CNTNAP3B: variants seen among roughly 807,000 people sequenced by gnomAD.
CNTNAP3B encodes the protein contactin associated protein family member 3B, also known as contactin-associated protein-like 3B.
In CNTNAP3B, 25 loss-of-function variants were observed where a neutral mutation model predicts 108.9. The observed-to-expected ratio is 0.23, with a 90% CI of 0.17 to 0.32. The LOEUF (loss-of-function observed/expected upper bound fraction) is 0.32. Ranked by LOEUF, CNTNAP3B falls within the 10% of genes least tolerant of loss-of-function variation. CNTNAP3B has a pLI of 1.00. For synonymous variants in CNTNAP3B, 103 were observed against 473.4 expected, an observed-to-expected ratio of 0.22 and a Z score of 10.16; for missense variants, 252 against 1,210.4, an observed-to-expected ratio of 0.21 and a Z score of 11.75.
chr9:42,099,066 T>C lies in CNTNAP3B; in HGVS notation c.196+5563A>G, dbSNP rs1827971292. Among the ~76,000 whole-genome samples, 2 of 138,422 alleles carry C rather than the reference T, an allele frequency of 1.4e-5. 1 individual carries two copies. The highest frequency in any genetic ancestry group is 4.5e-4 in the East Asian group (2 of 4,464). The allele number at this position is 138,422 out of a possible 152,430, so 90.8% of individuals were successfully genotyped here. A position where few individuals can be genotyped will look rare whatever the true frequency, so the allele number is the denominator to read the frequency against. On this transcript the variant is annotated intron_variant, in intron 2 of 23. Coordinates refer to ENST00000377561, the MANE Select transcript of CNTNAP3B (RefSeq NM_001201380.3). ...CTAAGAAATCAGTACCTGAGCTTTT[T>C]CAAAATAACTGGAGAAGAAATGAGG...
At chr9:41,921,014 C>A (rs1269417136) in intron 17 of CNTNAP3B, among the ~76,000 whole-genome samples, 1 of 152,158 alleles carries the variant, frequency 6.6e-6, no homozygotes, top group African/African-American at 2.4e-5. Flanking sequence ...ATGAAGGCGA[C>A]AATTCTCAAT....
intron 14 of CNTNAP3B, 48 bp from the exon 15 acceptor site, chr9:41,929,492 G>T (rs760927290): frequency 6.6e-7 from 1 of 1,506,222 alleles, no homozygotes; most frequent in Admixed American, 1.9e-5. Flanking sequence ...ATTAACATAC[G>T]GGCAAAATTA....
chr9:42,067,822 G>A (rs1827307021), intron 3 of CNTNAP3B, among the ~76,000 whole-genome samples: 2 of 133,528 alleles, frequency 1.5e-5, no homozygotes, highest in Non-Finnish European at 3.2e-5. Context: ...GGAAAAAAAA[G>A]CAGCTCACAG....
intron 2 of CNTNAP3B, among the ~76,000 whole-genome samples, chr9:42,089,804 G>T (rs1587263846): frequency 7.1e-6 from 1 of 140,934 alleles, no homozygotes; most frequent in Non-Finnish European, 1.5e-5. Flanking sequence ...TATCACACAG[G>T]TTTCTAAATT....
intron 8 of CNTNAP3B, among the ~76,000 whole-genome samples, chr9:41,990,397 T>C: frequency 7.7e-6 from 1 of 130,228 alleles, no homozygotes; most frequent in East Asian, 2.4e-4. Context: ...GAATATCTGT[T>C]TTATCTCCCC....
At chr9:41,952,081 A>T (rs1230708929) in intron 13 of CNTNAP3B, among the ~76,000 whole-genome samples, 16 of 152,266 alleles carry the variant, frequency 1.1e-4, no homozygotes, top group Non-Finnish European at 1.9e-4. Flanking sequence ...ATCCAGGCAG[A>T]GGAAATGGTC....
At chr9:42,090,857 AC>A (rs1194517886) in intron 2 of CNTNAP3B, among the ~76,000 whole-genome samples, 2 of 97,286 alleles carry the variant, frequency 2.1e-5, no homozygotes, top group African/African-American at 7.8e-5. Flanking sequence ...ACACACACAC[AC>A]ACACACACAT....
intron 14 of CNTNAP3B, among the ~76,000 whole-genome samples, chr9:41,934,501 G>T (rs1175180287): frequency 1.3e-5 from 2 of 152,240 alleles, no homozygotes; most frequent in Non-Finnish European, 2.9e-5. Flanking sequence ...GATTACAGGC[G>T]TGAGCCACGG....
chr9:42,003,800 CA>C (rs565850278), intron 4 of CNTNAP3B, among the ~76,000 whole-genome samples: 1 of 132,572 alleles, frequency 7.5e-6, no homozygotes, highest in African/African-American at 3.0e-5. Context: ...ACTAAAAATA[CA>C]AAAAAATCAG....
chr9:41,943,900 TTAAAA>T (rs993814766), intron 13 of CNTNAP3B, among the ~76,000 whole-genome samples: 23 of 152,254 alleles, frequency 1.5e-4, no homozygotes, highest in African/African-American at 4.6e-4. Context: ...TTTCTTAAAA[TTAAAA>T]TAAAATCTTT....
chr9:41,935,046 A>G (rs1281309061), intron 14 of CNTNAP3B, among the ~76,000 whole-genome samples: 1 of 152,166 alleles, frequency 6.6e-6, no homozygotes, highest in Non-Finnish European at 1.5e-5. Flanking sequence ...TGTATATTTT[A>G]GAGAATATAT....
intron 13 of CNTNAP3B, among the ~76,000 whole-genome samples, chr9:41,941,375 C>G (rs74410565): frequency 2.9e-5 from 4 of 136,410 alleles, no homozygotes; most frequent in East Asian, 2.1e-4. Flanking sequence ...CTCTGCAAAA[C>G]TTAAATTTGA....
intron 1 of CNTNAP3B, among the ~76,000 whole-genome samples, chr9:42,112,888 G>C (rs1384733910): frequency 2.6e-5 from 1 of 37,858 alleles, no homozygotes; most frequent in South Asian, 1.0e-3. Flanking sequence ...TTTTTTTTTT[G>C]AGACGGAGCC....
intron 3 of CNTNAP3B, among the ~76,000 whole-genome samples, chr9:42,050,099 C>A (rs1187733861): frequency 2.0e-5 from 1 of 49,122 alleles, no homozygotes; most frequent in Non-Finnish European, 4.1e-5. Flanking sequence ...CTCAGCCTAC[C>A]AAAGTGTTGG....
rs1157706244 is a variant in CNTNAP3B, at chr9:42,119,511, C to A, written c.85+9499G>T. Among the ~76,000 whole-genome samples the A allele has an allele frequency of 1.1e-4, 14 of 122,886 alleles. 1 individual carries two copies. In the East Asian group the frequency reaches 2.9e-3, roughly 25 times the overall value. 80.6% of individuals were successfully genotyped at this position (122,886 alleles called of 152,430 possible). On this transcript the variant is annotated intron_variant, in intron 1 of 23. Coordinates refer to ENST00000377561, the MANE Select transcript of CNTNAP3B (RefSeq NM_001201380.3). ...GTTCATATGGAACCAAAAAAGAGCC[C>A]GCATTGCCAAGTCAATCCTAAGCCA...
At chr9:41,926,312 C>G (rs1588043615) in intron 15 of CNTNAP3B, among the ~76,000 whole-genome samples, 1 of 152,188 alleles carries the variant, frequency 6.6e-6, no homozygotes, top group Non-Finnish European at 1.5e-5. Flanking sequence ...TCCCCTAGTC[C>G]CAGCTGCCCC....
intron 1 of CNTNAP3B, among the ~76,000 whole-genome samples, chr9:42,124,786 C>T (rs1828532719): frequency 7.7e-6 from 1 of 129,340 alleles, no homozygotes; most frequent in Non-Finnish European, 1.6e-5. Flanking sequence ...AATCCCAGTG[C>T]CAATTACATC....
chr9:41,939,405 T>A (rs1193259616), intron 13 of CNTNAP3B, among the ~76,000 whole-genome samples: 2 of 152,304 alleles, frequency 1.3e-5, no homozygotes, highest in Non-Finnish European at 2.9e-5. Flanking sequence ...AGCTTCTACC[T>A]TACTGCTTAT....
intron 7 of CNTNAP3B, among the ~76,000 whole-genome samples, chr9:41,995,686 G>A (rs1479060035): frequency 8.0e-5 from 10 of 124,366 alleles, no homozygotes; most frequent in African/African-American, 1.7e-4. Flanking sequence ...AGCCAAGATC[G>A]TGACACTGCA....
Sources: allele counts gnomAD v4.1 joint callset (sites outside exome capture counted in the v4.1 genomes callset), GRCh38; gene constraint gnomAD v4.1.1; transcripts MANE v1.5; gene names NCBI Gene and HGNC (gene_info 2026-07-23, HGNC 2026-07-21).